PUDP: variants seen among roughly 807,000 people sequenced by gnomAD.
PUDP encodes pseudouridine 5'-phosphatase, also known as pseudouridine-5'-phosphatase.
Under a neutral mutation model 9.4 loss-of-function variants are expected in PUDP, and 8 were observed. The observed-to-expected ratio is 0.85, with a 90% CI of 0.50 to 1.53. PUDP has a LOEUF of 1.53. Among genes scored for constraint, PUDP ranks in the 40% most tolerant of loss-of-function variants. PUDP has a pLI of 0.00. For synonymous variants in PUDP, 99 were observed against 80.7 expected (o/e 1.23, Z -1.22); for missense variants, 188 against 189.7 (o/e 0.99, Z 0.05).
At chrX:6,817,522 C>T (rs953285693) in intron 3 of PUDP, among the ~76,000 whole-genome samples, 1 of 111,869 alleles carries the variant, frequency 8.9e-6, no homozygotes, top group Admixed American at 9.5e-5. Context: ...GATGTGGTCA[C>T]CTGGGTTCTC....
chrX:6,742,801 A>G (rs181409892), intron 3 of PUDP, among the ~76,000 whole-genome samples: 1 of 111,985 alleles, frequency 8.9e-6, no homozygotes. Context: ...CAAAAAACCA[A>G]AAACAAACAC....
At chrX:6,988,956 G>A (rs1318328241) in intron 1 of PUDP, among the ~76,000 whole-genome samples, 1 of 111,328 alleles carries the variant, frequency 9.0e-6, no homozygotes, top group African/African-American at 3.3e-5. Context: ...TGCCTGTTCA[G>A]CTGTTAGTGA....
intron 3 of PUDP, among the ~76,000 whole-genome samples, chrX:6,816,759 A>G (rs1429550734): frequency 1.1e-5 from 1 of 94,490 alleles, no homozygotes; most frequent in East Asian, 3.3e-4. Flanking sequence ...GATATAGTAT[A>G]TACAATATAT....
In PUDP at chrX:6,874,577, A is replaced by T. The variant is rs969770015; in HGVS notation, c.*247+102556T>A. Among the ~76,000 whole-genome samples, 11 of 112,136 alleles carry T rather than the reference A, an allele frequency of 9.8e-5. 1 individual carries two copies. The highest frequency in any genetic ancestry group is 1.9e-4 in the Non-Finnish European group (10 of 53,221). ...GAGAAAACTCAAACTGGGAAACTAT[A>T]GGCTGTGTTTATACACGCCAAATGA... On this transcript the variant is annotated intron_variant and NMD_transcript_variant, in intron 3 of 3. Transcript: ENST00000655425.
rs367876584 is a variant in PUDP at position 7,091,391 on chromosome X, T to C, written c.281-13942A>G. On this transcript the variant is annotated intron_variant, in intron 2 of 3. Transcript: ENST00000381077. ...GTCTCACTCTGTCACCAGGCTGGAG[T>C]GCAGAGGCATGATCTCAGCTCACTG... is the stretch of plus-strand genomic sequence containing the variant. Among the ~76,000 whole-genome samples the C allele has an allele frequency of 1.8e-4, 20 of 111,710 alleles. No individual in the cohort carries two copies. The East Asian group carries it at 2.8e-3, about 16-fold the overall frequency.
At chrX:6,714,506 G>T (rs1013742208) in intron 1 of PUDP, among the ~76,000 whole-genome samples, 11 of 111,216 alleles carry the variant, frequency 9.9e-5, no homozygotes, top group Admixed American at 9.6e-4. Context: ...AGATAGATAT[G>T]ATAGATGATG....
intron 3 of PUDP, among the ~76,000 whole-genome samples, chrX:6,817,054 C>T (rs199974438): frequency 1.0e-5 from 1 of 98,448 alleles, no homozygotes; most frequent in African/African-American, 3.7e-5. Flanking sequence ...TATATATACA[C>T]TATATAGTAT....
At chrX:6,944,714 C>A (rs1165139026) in intron 3 of PUDP, among the ~76,000 whole-genome samples, 2 of 111,065 alleles carry the variant, frequency 1.8e-5, no homozygotes, top group Non-Finnish European at 3.8e-5. Flanking sequence ...AGTTGTTTTT[C>A]AGAAGCCTGG....
At chrX:6,945,341 A>C (rs6639725) in intron 3 of PUDP, among the ~76,000 whole-genome samples, 23,358 of 111,283 alleles carry the variant, frequency 0.21, 1,967 homozygotes, top group Admixed American at 0.35. Context: ...GGGAATCAGG[A>C]GGCAGTGATT....
intron 3 of PUDP, among the ~76,000 whole-genome samples, chrX:6,750,033 G>A (rs1054337212): frequency 3.6e-5 from 4 of 112,039 alleles, no homozygotes; most frequent in African/African-American, 1.3e-4. Flanking sequence ...CGTATTTGGG[G>A]AGATGAGAAT....
intron 1 of PUDP, among the ~76,000 whole-genome samples, chrX:6,997,044 T>A (rs772017457): frequency 9.9e-5 from 11 of 111,482 alleles, no homozygotes; most frequent in African/African-American, 1.3e-4. Flanking sequence ...TGAAAAAAAA[T>A]AAATAAATAA....
intron 3 of PUDP, among the ~76,000 whole-genome samples, chrX:6,742,993 T>C (rs983010425): frequency 1.8e-5 from 2 of 111,892 alleles, no homozygotes; most frequent in Non-Finnish European, 3.8e-5. Context: ...ATGCTGGACT[T>C]CTTTGTTTGG....
At chrX:7,031,196 C>T (rs908804322) in intron 1 of PUDP, among the ~76,000 whole-genome samples, 13 of 111,343 alleles carry the variant, frequency 1.2e-4, no homozygotes, top group African/African-American at 4.3e-4. Context: ...GTATCTTGTG[C>T]CGACCTCCTG....
intron 1 of PUDP, among the ~76,000 whole-genome samples, chrX:7,124,892 G>A (rs1434658552): frequency 3.6e-5 from 4 of 109,756 alleles, no homozygotes; most frequent in African/African-American, 1.0e-4. Context: ...AGCTTGCAGT[G>A]AGCGGAGATG....
intron 3 of PUDP, among the ~76,000 whole-genome samples, chrX:6,805,228 C>A (rs1328134088): frequency 9.0e-6 from 1 of 111,175 alleles, no homozygotes; most frequent in East Asian, 2.8e-4. Context: ...TGTGATTATG[C>A]CACTGCACTC....
intron 3 of PUDP, among the ~76,000 whole-genome samples, chrX:6,812,181 C>T (rs764881749): frequency 2.4e-4 from 27 of 112,068 alleles, no homozygotes; most frequent in African/African-American, 8.7e-4. Flanking sequence ...AAGGTGTGCA[C>T]AGACAGTCTC....
intron 3 of PUDP, among the ~76,000 whole-genome samples, chrX:6,818,263 G>A (rs1287965635): frequency 8.9e-6 from 1 of 111,931 alleles, no homozygotes. Flanking sequence ...GCTGAGGAAA[G>A]TCTATAAAGA....
chrX:6,928,830 G>A (rs928941520), intron 3 of PUDP, among the ~76,000 whole-genome samples: 2 of 111,247 alleles, frequency 1.8e-5, no homozygotes, highest in Admixed American at 9.6e-5. Context: ...CCGGGGAGGC[G>A]GAGGTTGCAG....
chrX:6,919,296 A>G (rs1927982080), intron 3 of PUDP, among the ~76,000 whole-genome samples: 2 of 112,054 alleles, frequency 1.8e-5, no homozygotes, highest in Admixed American at 1.9e-4. Flanking sequence ...CATCTTCTCA[A>G]AATTGAACTA....
Sources: allele counts gnomAD v4.1 joint callset (sites outside exome capture counted in the v4.1 genomes callset), GRCh38; gene constraint gnomAD v4.1.1; transcripts MANE v1.5; gene names NCBI Gene and HGNC (gene_info 2026-07-23, HGNC 2026-07-21).